Variants in TF observed in about 807,000 individuals in gnomAD.
The protein encoded by TF is transferrin.
In TF, 55 loss-of-function variants were observed where a neutral mutation model predicts 82.4. The ratio of observed to expected loss-of-function variants is 0.67; its 90% CI spans 0.54 to 0.84. The LOEUF is 0.84. Ranked by LOEUF, TF falls within the 40% of genes least tolerant of loss-of-function variation. The pLI is 0.00. For synonymous variants in TF, 332 were observed against 332.6 expected (o/e 1.00, Z 0.02); for missense variants, 737 against 868.4 (o/e 0.85, Z 1.90).
the TF span, among the ~76,000 whole-genome samples, chr3:133,679,079 G>T: frequency 6.6e-6 from 1 of 152,034 alleles, no homozygotes; most frequent in Non-Finnish European, 1.5e-5. Flanking sequence ...CACCATGTTG[G>T]TCAGGCTGGT....
the TF span, among the ~76,000 whole-genome samples, chr3:133,693,580 T>C: frequency 6.6e-6 from 1 of 152,218 alleles, no homozygotes; most frequent in Non-Finnish European, 1.5e-5. Context: ...TGCTTTGCCC[T>C]TTCTGGGAGT....
the TF span, among the ~76,000 whole-genome samples, chr3:133,686,554 G>T: frequency 2.0e-5 from 3 of 151,960 alleles, no homozygotes; most frequent in African/African-American, 7.3e-5. Flanking sequence ...GAACAGACAC[G>T]TCTCAAAAGA....
At chr3:133,710,420 G>A in the TF span, among the ~76,000 whole-genome samples, 7 of 151,986 alleles carry the variant, frequency 4.6e-5, no homozygotes, top group East Asian at 1.9e-4. Context: ...ATTTACAAGC[G>A]CCCCCACCAC....
chr3:133,680,196 T>C, the TF span, among the ~76,000 whole-genome samples: 1 of 152,078 alleles, frequency 6.6e-6, no homozygotes, highest in Non-Finnish European at 1.5e-5. Context: ...CTTTTTTTTC[T>C]TTTTCTTTTT....
At chr3:133,690,025 A>G in the TF span, among the ~76,000 whole-genome samples, 1 of 152,222 alleles carries the variant, frequency 6.6e-6, no homozygotes, top group African/African-American at 2.4e-5. Context: ...GTAGCCATTC[A>G]GAAAAATAAT....
rs973798654 is a variant in TF, at chr3:133,786,370, G to C, written c.*7750G>C. ...TTCATATGTAATGTTGTTTTGGTTG[G>C]GGGGGGTGGCCAAACCACCTGTTAA... On this transcript the variant is annotated 3_prime_UTR_variant, in exon 17 of 17. Transcript: ENST00000402696. 4 of 151,736 alleles carry C rather than the reference G, an allele frequency of 2.6e-5. No individual in the cohort carries two copies. The highest frequency in any genetic ancestry group is 9.7e-5 in the African/African-American group (4 of 41,446). 9.4% of individuals were successfully genotyped at this position (151,736 alleles called of 1,614,324 possible).
chr3:133,681,460 G>T, the TF span, among the ~76,000 whole-genome samples: 1 of 152,226 alleles, frequency 6.6e-6, no homozygotes, highest in Non-Finnish European at 1.5e-5. Flanking sequence ...GCCAAGGGAA[G>T]CCGTGACAGA....
the TF span, among the ~76,000 whole-genome samples, chr3:133,667,159 A>G: frequency 1.3e-5 from 2 of 152,192 alleles, no homozygotes; most frequent in Non-Finnish European, 2.9e-5. Flanking sequence ...CTTGGGCGAC[A>G]CAGCCAGATC....
At chr3:133,663,466 CAAA>C in the TF span, among the ~76,000 whole-genome samples, 1 of 128,390 alleles carries the variant, frequency 7.8e-6, no homozygotes, top group African/African-American at 2.9e-5. Flanking sequence ...AGCAAAAAAA[CAAA>C]AATCACTAGA....
chr3:133,712,619 C>G, the TF span: 4 of 152,976 alleles, frequency 2.6e-5, no homozygotes, highest in Non-Finnish European at 5.9e-5. Flanking sequence ...CTAACACAGG[C>G]AGGGAGGGCT....
intron 9 of TF, chr3:133,761,847 A>G (rs1397522698): frequency 6.5e-6 from 1 of 154,920 alleles, no homozygotes; most frequent in Non-Finnish European, 1.4e-5. Flanking sequence ...AGGGGCTGGA[A>G]CAATTACAGA....
the TF span, among the ~76,000 whole-genome samples, chr3:133,733,052 G>C: frequency 6.6e-6 from 1 of 152,184 alleles, no homozygotes; most frequent in African/African-American, 2.4e-5. Flanking sequence ...TTCTACCAAC[G>C]CTATGTTCCT....
chr3:133,733,385 C>A, the TF span, among the ~76,000 whole-genome samples: 1 of 152,292 alleles, frequency 6.6e-6, no homozygotes, highest in East Asian at 1.9e-4. Flanking sequence ...CCATCTTTGC[C>A]AAGCCTGCCG....
rs1440627593 is a variant in TF at position 133,781,342 on chromosome 3, T to C, written c.*2722T>C. On this transcript the variant is annotated 3_prime_UTR_variant, in exon 17 of 17. Transcript: ENST00000402696. ...AAAATAATAAAAATAATAATAATAATAAATAAAGTGGTAAAAGTGGTAAGA... is the reference window on the plus strand; with the variant it reads ...AAAATAATAAAAATAATAATAATAACAAATAAAGTGGTAAAAGTGGTAAGA... 6.6e-6 allele frequency: 1 copy of C among 151,428 alleles called. No individual in the cohort carries two copies. The highest frequency in any genetic ancestry group is 2.4e-5 in the African/African-American group (1 of 41,250). 9.4% of individuals were successfully genotyped at this position (151,428 alleles called of 1,614,324 possible). A position where few individuals can be genotyped will look rare whatever the true frequency, so the allele number is the denominator to read the frequency against.
At chr3:133,689,788 T>C in the TF span, among the ~76,000 whole-genome samples, 482 of 152,342 alleles carry the variant, frequency 3.2e-3, no homozygotes, top group African/African-American at 0.011. Flanking sequence ...CAAACTGTGA[T>C]AGACATTAGG....
rs1576366142 is a variant in TF, at chr3:133,770,832, A to G, written c.1687+260A>G. 8 of 559,066 alleles carry G rather than the reference A, an allele frequency of 1.4e-5. No homozygotes were observed. In the East Asian group the frequency reaches 2.4e-4, roughly 17 times the overall value. The allele number at this position is 559,066 out of a possible 1,614,324, so 34.6% of individuals were successfully genotyped here. ...CAAGCCTTGTGCTCCTTTCCCCTAA[A>G]TACTTCAGTGCCTATTTCCTAAGAA... On this transcript the variant is annotated intron_variant, in intron 14 of 16. Transcript: ENST00000402696.
intron 9 of TF, 124 bp downstream of exon 9, chr3:133,759,453 A>G: frequency 8.2e-7 from 1 of 1,215,798 alleles, no homozygotes; most frequent in Non-Finnish European, 1.2e-6. Context: ...CCTTGCCCTG[A>G]CTATGTGAGC....
Position 133,772,424 on chromosome 3 carries a change from A to G in TF, c.1687+1852A>G, listed in dbSNP as rs1349724275. Reference sequence around the variant, plus strand: ...GCATAGAATTAAGATAGGAGGCCTGACATCCAATCTCAATTCCATTCCAGT... The same window carrying G: ...GCATAGAATTAAGATAGGAGGCCTGGCATCCAATCTCAATTCCATTCCAGT... On this transcript the variant is annotated intron_variant, in intron 14 of 16. Coordinates refer to ENST00000402696, the MANE Select transcript of TF (RefSeq NM_001063.4). 3.9e-5 allele frequency among the ~76,000 whole-genome samples: 6 copies of G among 152,338 alleles called. No homozygotes were observed. The East Asian group carries it at 1.2e-3, about 29-fold the overall frequency.
At chr3:133,753,532 G>T in intron 2 of TF, 63 bp from the exon 3 acceptor site, 1 of 1,423,126 alleles carries the variant, frequency 7.0e-7, no homozygotes, top group South Asian at 1.2e-5. Flanking sequence ...CTACTTGTGT[G>T]GGTTGAGGTG....
Sources: allele counts gnomAD v4.1 joint callset (sites outside exome capture counted in the v4.1 genomes callset), GRCh38; gene constraint gnomAD v4.1.1; transcripts MANE v1.5; gene names NCBI Gene and HGNC (gene_info 2026-07-23, HGNC 2026-07-21).